Variants in TMEM132D observed in about 807,000 individuals in gnomAD.
TMEM132D encodes mature OL transmembrane protein.
In TMEM132D, 21 loss-of-function variants were observed where a neutral mutation model predicts 62.3. That is an observed-to-expected ratio of 0.34 (90% CI 0.24 to 0.49). The LOEUF is 0.49. TMEM132D is among the 20% of genes least tolerant of loss of function. The pLI is 0.99. For synonymous variants in TMEM132D, 621 were observed against 575.6 expected, an observed-to-expected ratio of 1.08 and a Z score of -1.13; for missense variants, 1,346 against 1,402.8, an observed-to-expected ratio of 0.96 and a Z score of 0.65.
chr12:129,545,024 C>T (rs1222548211), intron 2 of TMEM132D, among the ~76,000 whole-genome samples: 1 of 152,232 alleles, frequency 6.6e-6, no homozygotes, highest in Non-Finnish European at 1.5e-5. Flanking sequence ...AGCCTTGGCT[C>T]AATGCATCCA....
rs1874720216 is a variant in TMEM132D at position 129,088,167 on chromosome 12, G to GACCGGGTGTCCTCCCTT, written c.1444-3466_1444-3465insAAGGGAGGACACCCGGT. Among the ~76,000 whole-genome samples, 14 of 32,088 alleles carry GACCGGGTGTCCTCCCTT rather than the reference G, an allele frequency of 4.4e-4. 3 individuals are homozygous for GACCGGGTGTCCTCCCTT. Among genetic ancestry groups the GACCGGGTGTCCTCCCTT allele is most frequent in the Non-Finnish European group, 6.5e-4 (12 of 18,478 alleles). 21.1% of individuals were successfully genotyped at this position (32,088 alleles called of 152,430 possible). On this transcript the variant is annotated intron_variant, in intron 5 of 8. Transcript: ENST00000422113. ...TCCTCCCTGACCGGGTGTCCTCCCT[G>GACCGGGTGTCCTCCCTT]ACCGGGTGTCCTCCCTGACCGGGGT...
chr12:129,868,777 C>T (rs748367405), intron 1 of TMEM132D, among the ~76,000 whole-genome samples: 2 of 152,168 alleles, frequency 1.3e-5, no homozygotes, highest in African/African-American at 4.8e-5. Context: ...ATGCAAGGAA[C>T]GCGGCCTCTC....
At chr12:129,589,533 CCTT>C (rs1188130914) in intron 2 of TMEM132D, among the ~76,000 whole-genome samples, 5 of 152,190 alleles carry the variant, frequency 3.3e-5, no homozygotes, top group African/African-American at 1.2e-4. Context: ...TTCCAGCTGT[CCTT>C]CTTGCTATCT....
chr12:129,297,750 C>T (rs1375263043), intron 4 of TMEM132D, among the ~76,000 whole-genome samples: 1 of 152,158 alleles, frequency 6.6e-6, no homozygotes, highest in African/African-American at 2.4e-5. Flanking sequence ...TATCAAACGA[C>T]CTCATCGCCC....
intron 1 of TMEM132D, among the ~76,000 whole-genome samples, chr12:129,800,488 A>C (rs955315614): frequency 1.3e-5 from 2 of 152,072 alleles, no homozygotes; most frequent in African/African-American, 4.8e-5. Context: ...GGAGCTATGC[A>C]GTTATAAATC....
At position 129,760,323 on chromosome 12, in the gene TMEM132D, CTTTTT is replaced by C. The variant is rs71082753; in HGVS notation, c.80-59630_80-59626del. ...AGACAGAAATGATGTAAGCCACTTTCTTTTTTTTTTTTTTTTTTTTTTTTTTGAGA... is the reference window on the plus strand; with the variant it reads ...AGACAGAAATGATGTAAGCCACTTTCTTTTTTTTTTTTTTTTTTTTTGAGA... On this transcript the variant is annotated intron_variant, in intron 1 of 8. Transcript: ENST00000422113. Among the ~76,000 whole-genome samples, 13 of 115,502 alleles carry C rather than the reference CTTTTT, an allele frequency of 1.1e-4. No individual in the cohort carries two copies. In the South Asian group the frequency reaches 2.5e-3, roughly 22 times the overall value. The allele number at this position is 115,502 out of a possible 152,430, so 75.8% of individuals were successfully genotyped here. A position where few individuals can be genotyped will look rare whatever the true frequency, so the allele number is the denominator to read the frequency against.
At chr12:129,320,833 CT>C (rs916618299) in intron 4 of TMEM132D, among the ~76,000 whole-genome samples, 11 of 152,068 alleles carry the variant, frequency 7.2e-5, no homozygotes, top group Non-Finnish European at 2.9e-5. Flanking sequence ...ATAAATCCAT[CT>C]TTTTTCAGGT....
chr12:129,473,236 T>G (rs1874146963), intron 3 of TMEM132D, among the ~76,000 whole-genome samples: 1 of 151,858 alleles, frequency 6.6e-6, no homozygotes, highest in African/African-American at 2.4e-5. Context: ...CAGTCGTCCA[T>G]GTCGGGTAAG....
At chr12:129,394,894 G>A (rs1319279185) in intron 3 of TMEM132D, among the ~76,000 whole-genome samples, 1 of 152,162 alleles carries the variant, frequency 6.6e-6, no homozygotes, top group Non-Finnish European at 1.5e-5. Flanking sequence ...CTTCTGAAAC[G>A]GAATTGTGGC....
intron 2 of TMEM132D, among the ~76,000 whole-genome samples, chr12:129,667,393 AC>A (rs1234369153): frequency 1.1e-4 from 16 of 152,172 alleles, no homozygotes; most frequent in Admixed American, 4.6e-4. Context: ...GGCAGGGGGA[AC>A]AAAAGGGAAG....
At chr12:129,359,871 G>A (rs536216330) in intron 3 of TMEM132D, among the ~76,000 whole-genome samples, 1 of 152,052 alleles carries the variant, frequency 6.6e-6, no homozygotes, top group African/African-American at 2.4e-5. Context: ...AATAAAAATT[G>A]CCATAAGGAT....
chr12:129,379,119 T>C lies in TMEM132D; in HGVS notation c.1116-41302A>G, dbSNP rs552223469. Among the ~76,000 whole-genome samples the C allele has an allele frequency of 2.0e-5, 3 of 152,324 alleles. No individual in the cohort carries two copies. The East Asian group carries it at 5.8e-4, about 29-fold the overall frequency. ...CATTCTAATATGTGATTTAATGTCA[T>C]GGAAATACTAGTTAGTCCTGTCTTT... is the stretch of plus-strand genomic sequence containing the variant. On this transcript the variant is annotated intron_variant, in intron 3 of 8. Coordinates refer to ENST00000422113, the MANE Select transcript of TMEM132D (RefSeq NM_133448.3).
At chr12:129,681,544 C>A (rs1398645238) in intron 2 of TMEM132D, 4 of 152,194 alleles carry the variant, frequency 2.6e-5, no homozygotes, top group Admixed American at 1.3e-4. Flanking sequence ...AGAAAAACAG[C>A]TGGATTTCTA....
At chr12:129,525,672 C>T (rs1876008216) in intron 3 of TMEM132D, among the ~76,000 whole-genome samples, 1 of 152,144 alleles carries the variant, frequency 6.6e-6, no homozygotes, top group South Asian at 2.1e-4. Context: ...CATTGTTATG[C>T]CAATATTACA....
intron 2 of TMEM132D, among the ~76,000 whole-genome samples, chr12:129,654,550 G>A (rs1378174203): frequency 2.0e-5 from 3 of 152,098 alleles, no homozygotes; most frequent in Admixed American, 2.0e-4. Context: ...ACTGAAAAAT[G>A]CATAATCAAT....
rs1204332922 is a variant in TMEM132D, at chr12:129,629,671, A to AT, written c.968+70138_968+70139insA. 1.1e-4 allele frequency among the ~76,000 whole-genome samples: 16 copies of AT among 147,810 alleles called. No individual in the cohort carries two copies. The East Asian group carries it at 2.3e-3, about 22-fold the overall frequency. On this transcript the variant is annotated intron_variant, in intron 2 of 8. Coordinates refer to ENST00000422113, the MANE Select transcript of TMEM132D (RefSeq NM_133448.3). ...GCCCAACAGTTAATGCCTAATAATA[A>AT]AAAAAAAAAACTATACAAACAAACA...
chr12:129,798,671 C>T (rs1304822370), intron 1 of TMEM132D, among the ~76,000 whole-genome samples: 3 of 151,534 alleles, frequency 2.0e-5, no homozygotes, highest in Non-Finnish European at 4.4e-5. Flanking sequence ...GGCGAGCATC[C>T]TTGGGAGGGA....
intron 3 of TMEM132D, among the ~76,000 whole-genome samples, chr12:129,498,994 C>T (rs1212735168): frequency 6.6e-6 from 1 of 152,104 alleles, no homozygotes; most frequent in African/African-American, 2.4e-5. Flanking sequence ...GAATAATATG[C>T]CTGCCAAATA....
intron 1 of TMEM132D, among the ~76,000 whole-genome samples, chr12:129,869,120 C>G (rs1874162141): frequency 6.6e-6 from 1 of 151,732 alleles, no homozygotes; most frequent in Admixed American, 6.6e-5. Flanking sequence ...GGGGTTCCCA[C>G]TGCACCCCAT....
Sources: gnomAD v4.1 joint callset for allele counts (sites outside exome capture counted in the v4.1 genomes callset) on GRCh38, gnomAD v4.1.1 for gene constraint, MANE v1.5 for transcripts, NCBI Gene and HGNC (gene_info 2026-07-23, HGNC 2026-07-21) for gene names.